Variants in EPHA6 observed in about 807,000 individuals in gnomAD.
The protein encoded by EPHA6 is ephrin type-A receptor 6.
A neutral mutation model predicts 112.0 loss-of-function variants in EPHA6; 50 were observed. The observed-to-expected ratio is 0.45, with a 90% CI of 0.36 to 0.56. The LOEUF (loss-of-function observed/expected upper bound fraction) is 0.56, where lower values mean the gene tolerates loss of function less well. Among genes scored for constraint, EPHA6 ranks in the 20% least tolerant of loss-of-function variants. The probability of loss-of-function intolerance (pLI) is 0.00; values close to 1 mark genes in which losing one functional copy is unlikely to be tolerated. For synonymous variants in EPHA6, 529 were observed against 490.7 expected, an observed-to-expected ratio of 1.08 and a Z score of -1.03; for missense variants, 1,280 against 1,417.4, an observed-to-expected ratio of 0.90 and a Z score of 1.56.
chr3:97,260,425 A>G (rs536389194), intron 5 of EPHA6, among the ~76,000 whole-genome samples: 41 of 152,302 alleles, frequency 2.7e-4, no homozygotes, highest in African/African-American at 8.7e-4. Flanking sequence ...AATCATGCTC[A>G]TTCACTTTAG....
chr3:97,021,533 C>T (rs1176955224), intron 3 of EPHA6, among the ~76,000 whole-genome samples: 1 of 152,186 alleles, frequency 6.6e-6, no homozygotes, highest in South Asian at 2.1e-4. Flanking sequence ...TAGCAGAATG[C>T]CACAAATTTA....
At chr3:97,406,301 CGAA>C (rs1377130535) in intron 6 of EPHA6, among the ~76,000 whole-genome samples, 1 of 151,978 alleles carries the variant, frequency 6.6e-6, no homozygotes, top group African/African-American at 2.4e-5. Flanking sequence ...GTTCTGGAGA[CGAA>C]GAAGTCTGAG....
chr3:97,435,764 A>G (rs1249729925), intron 6 of EPHA6, among the ~76,000 whole-genome samples: 2 of 152,046 alleles, frequency 1.3e-5, no homozygotes, highest in Non-Finnish European at 2.9e-5. Flanking sequence ...TTTCTTTCCA[A>G]TTTGATTTTA....
At chr3:97,123,526 G>T (rs1576528528) in intron 3 of EPHA6, among the ~76,000 whole-genome samples, 2 of 152,082 alleles carry the variant, frequency 1.3e-5, no homozygotes, top group East Asian at 3.9e-4. Flanking sequence ...GGCAATACAT[G>T]TGTGGGTCCT....
chr3:96,896,621 T>C (rs1044576915), intron 2 of EPHA6, among the ~76,000 whole-genome samples: 9 of 152,176 alleles, frequency 5.9e-5, no homozygotes. Context: ...ACTTTTCTTC[T>C]AAGGAGCTCT....
intron 16 of EPHA6, 153 bp downstream of exon 16, chr3:97,736,271 A>G: frequency 3.7e-6 from 2 of 538,144 alleles, no homozygotes; most frequent in Non-Finnish European, 6.3e-6. Flanking sequence ...CAGCTGAAAA[A>G]AAGAATTATT....
intron 12 of EPHA6, among the ~76,000 whole-genome samples, chr3:97,603,051 C>T (rs1029643130): frequency 4.0e-5 from 6 of 151,802 alleles, no homozygotes; most frequent in African/African-American, 1.5e-4. Context: ...CATTACTTTT[C>T]TAAATGTGAA....
At chr3:97,602,181 GAAT>G (rs1335994968) in intron 12 of EPHA6, among the ~76,000 whole-genome samples, 1 of 151,892 alleles carries the variant, frequency 6.6e-6, no homozygotes, top group Admixed American at 6.6e-5. Flanking sequence ...CCAAATTTGA[GAAT>G]ATTAATATAA....
chr3:96,934,551 G>T (rs557307479), intron 2 of EPHA6, among the ~76,000 whole-genome samples: 3 of 151,400 alleles, frequency 2.0e-5, no homozygotes, highest in East Asian at 1.9e-4. Context: ...TACTTTACTG[G>T]TTTTTTGTTG....
intron 2 of EPHA6, among the ~76,000 whole-genome samples, chr3:96,901,874 A>T (rs1267530552): frequency 1.3e-5 from 2 of 152,228 alleles, no homozygotes; most frequent in Non-Finnish European, 2.9e-5. Context: ...TTAATGTGCC[A>T]ATTCTGCCAA....
chr3:97,207,105 G>A (rs151069883), intron 3 of EPHA6, among the ~76,000 whole-genome samples: 2 of 152,004 alleles, frequency 1.3e-5, no homozygotes, highest in Admixed American at 1.3e-4. Context: ...CTTGAATATG[G>A]TATTTCTTTG....
At chr3:97,288,794 T>A (rs994034009) in intron 5 of EPHA6, among the ~76,000 whole-genome samples, 1 of 152,110 alleles carries the variant, frequency 6.6e-6, no homozygotes, top group Non-Finnish European at 1.5e-5. Flanking sequence ...TAGTATCTCA[T>A]TGTGGTTTTT....
At chr3:97,493,683 T>A (rs1291076680) in intron 10 of EPHA6, among the ~76,000 whole-genome samples, 1 of 150,876 alleles carries the variant, frequency 6.6e-6, no homozygotes, top group African/African-American at 2.5e-5. Context: ...TGATGAAAGA[T>A]TTACTCACTG....
chr3:97,323,999 G>A (rs1576961985), intron 5 of EPHA6, among the ~76,000 whole-genome samples: 4 of 151,806 alleles, frequency 2.6e-5, no homozygotes, highest in South Asian at 2.1e-4. Flanking sequence ...AAAAAATGCA[G>A]CTTCTGTTGA....
At position 97,614,511 on chromosome 3, in the gene EPHA6, T is replaced by A. The variant is rs796294135; in HGVS notation, c.2574+3657T>A. Among the ~76,000 whole-genome samples, 1,429 of 144,894 alleles carry A rather than the reference T, an allele frequency of 9.9e-3. 14 individuals are homozygous for A. Among genetic ancestry groups the A allele is most frequent in the African/African-American group, 0.028 (1,074 of 38,992 alleles). ...CACCACACCCAGCTAATTTTTTTTT[T>A]TTTTTTTTTTTTTTTGTATTTTAGA... is the stretch of plus-strand genomic sequence containing the variant. On this transcript the variant is annotated intron_variant, in intron 13 of 17. Coordinates refer to ENST00000389672, the MANE Select transcript of EPHA6 (RefSeq NM_001080448.3).
chr3:97,734,026 C>T (rs2035150481), intron 15 of EPHA6, among the ~76,000 whole-genome samples: 1 of 151,976 alleles, frequency 6.6e-6, no homozygotes, highest in Non-Finnish European at 1.5e-5. Flanking sequence ...TGAATTTAGG[C>T]AAGTTTCCTT....
rs560354363 is a variant in EPHA6 at position 96,936,761 on chromosome 3, C to T, written c.451-50569C>T. Among the ~76,000 whole-genome samples, 8 of 152,216 alleles carry T rather than the reference C, an allele frequency of 5.3e-5. No individual in the cohort carries two copies. The South Asian group carries it at 1.2e-3, about 24-fold the overall frequency. Reference sequence around the variant, plus strand: ...TCTCCTAATGCTATCCCTCACCACTCCTCCGACCCCACAACAGTCCCTGGA... The same window carrying T: ...TCTCCTAATGCTATCCCTCACCACTTCTCCGACCCCACAACAGTCCCTGGA... On this transcript the variant is annotated intron_variant, in intron 2 of 17. Coordinates refer to ENST00000389672, the MANE Select transcript of EPHA6 (RefSeq NM_001080448.3).
intron 3 of EPHA6, among the ~76,000 whole-genome samples, chr3:97,012,719 C>G (rs1019924232): frequency 1.3e-5 from 2 of 150,450 alleles, no homozygotes; most frequent in Non-Finnish European, 3.0e-5. Flanking sequence ...CTCGGCCTCT[C>G]AAGTACTGGG....
At chr3:97,460,880 A>G (rs2090865357) in intron 7 of EPHA6, among the ~76,000 whole-genome samples, 2 of 152,172 alleles carry the variant, frequency 1.3e-5, no homozygotes. Flanking sequence ...GTCACTCCCC[A>G]GAAAACATGC....
Sources: allele counts gnomAD v4.1 joint callset (sites outside exome capture counted in the v4.1 genomes callset), GRCh38; gene constraint gnomAD v4.1.1; transcripts MANE v1.5; gene names NCBI Gene and HGNC (gene_info 2026-07-23, HGNC 2026-07-21).